Variants in NPAS3 observed in about 807,000 individuals in gnomAD.
NPAS3 encodes neuronal PAS domain protein 3.
NPAS3 carries 14 observed loss-of-function variants against 73.1 expected under a neutral mutation model. The ratio of observed to expected loss-of-function variants is 0.19; its 90% CI spans 0.13 to 0.30. NPAS3 has a LOEUF of 0.30. Ranked by LOEUF, NPAS3 falls within the 10% of genes least tolerant of loss-of-function variation. The probability of loss-of-function intolerance (pLI) is 1.00; values close to 1 mark genes in which losing one functional copy is unlikely to be tolerated. For missense variants in NPAS3, 1,096 were observed against 1,250.0 expected (o/e 0.88, Z 1.86); for synonymous variants, 620 against 541.5 (o/e 1.14, Z -2.01).
At chr14:32,997,137 T>C (rs777771766) in intron 1 of NPAS3, among the ~76,000 whole-genome samples, 9 of 152,242 alleles carry the variant, frequency 5.9e-5, no homozygotes, top group Non-Finnish European at 1.3e-4. Context: ...CTGCTGGATT[T>C]CAGACGTGCA....
intron 4 of NPAS3, among the ~76,000 whole-genome samples, chr14:33,527,266 A>G (rs886769698): frequency 6.6e-6 from 1 of 152,130 alleles, no homozygotes; most frequent in African/African-American, 2.4e-5. Context: ...ATGGAAATGA[A>G]TCTTCCTAGC....
At chr14:33,783,507 C>T (rs920953007) in intron 9 of NPAS3, among the ~76,000 whole-genome samples, 1 of 144,916 alleles carries the variant, frequency 6.9e-6, no homozygotes, top group East Asian at 2.0e-4. Context: ...GGCCATTAAC[C>T]GAAAAAACCG....
intron 7 of NPAS3, among the ~76,000 whole-genome samples, chr14:33,767,060 C>T (rs142799181): frequency 3.9e-5 from 6 of 152,302 alleles, no homozygotes; most frequent in East Asian, 1.9e-4. Flanking sequence ...AGTTATGAGC[C>T]GCCTTCTCCA....
At chr14:33,456,854 G>A (rs549582318) in intron 4 of NPAS3, among the ~76,000 whole-genome samples, 1 of 152,240 alleles carries the variant, frequency 6.6e-6, no homozygotes, top group South Asian at 2.1e-4. Context: ...AGTGTGGGCT[G>A]CAGAAATCAG....
At chr14:33,486,931 C>A (rs148937135) in intron 4 of NPAS3, among the ~76,000 whole-genome samples, 43 of 152,110 alleles carry the variant, frequency 2.8e-4, no homozygotes, top group Non-Finnish European at 1.2e-4. Flanking sequence ...CTATTGGGAG[C>A]CTTCATGCTT....
At chr14:33,563,675 A>G (rs1484584641) in intron 5 of NPAS3, among the ~76,000 whole-genome samples, 2 of 152,128 alleles carry the variant, frequency 1.3e-5, no homozygotes, top group Non-Finnish European at 2.9e-5. Context: ...GTTACTCACC[A>G]AGAGGCCTTA....
chr14:33,113,860 G>A (rs2042976358), intron 2 of NPAS3, among the ~76,000 whole-genome samples: 3 of 152,186 alleles, frequency 2.0e-5, no homozygotes, highest in South Asian at 2.1e-4. Flanking sequence ...CTAATTTATT[G>A]AGAGTTTTTA....
chr14:33,079,295 G>T (rs2041777759), intron 2 of NPAS3, among the ~76,000 whole-genome samples: 1 of 150,128 alleles, frequency 6.7e-6, no homozygotes. Flanking sequence ...ATATTTTCAA[G>T]GTTCACTTGA....
At chr14:33,266,109 G>T (rs1346631460) in intron 3 of NPAS3, among the ~76,000 whole-genome samples, 1 of 152,208 alleles carries the variant, frequency 6.6e-6, no homozygotes, top group South Asian at 2.1e-4. Context: ...AAAGTGTGAT[G>T]TCCTTTGGGG....
chr14:33,422,001 C>A (rs1415143257), intron 4 of NPAS3, among the ~76,000 whole-genome samples: 2 of 151,814 alleles, frequency 1.3e-5, no homozygotes, highest in African/African-American at 4.8e-5. Flanking sequence ...GCTTTTCATT[C>A]TTGGCACTAA....
intron 5 of NPAS3, among the ~76,000 whole-genome samples, chr14:33,635,373 T>C (rs1388323377): frequency 1.3e-5 from 2 of 152,162 alleles, no homozygotes; most frequent in Non-Finnish European, 2.9e-5. Context: ...GAGGCTTAGA[T>C]TGCTTTTTCC....
At chr14:33,479,717 C>A (rs530273569) in intron 4 of NPAS3, among the ~76,000 whole-genome samples, 17 of 152,230 alleles carry the variant, frequency 1.1e-4, no homozygotes, top group Middle Eastern at 3.4e-3. Context: ...ATTTCTTGAT[C>A]TCCAATTTTG....
intron 5 of NPAS3, among the ~76,000 whole-genome samples, chr14:33,563,143 A>G (rs2055735577): frequency 6.6e-6 from 1 of 152,248 alleles, no homozygotes; most frequent in Non-Finnish European, 1.5e-5. Context: ...GTTACAGAGC[A>G]TAGCTATGTC....
intron 4 of NPAS3, among the ~76,000 whole-genome samples, chr14:33,521,884 C>G (rs748658629): frequency 1.3e-5 from 2 of 152,072 alleles, no homozygotes; most frequent in Admixed American, 1.3e-4. Flanking sequence ...CTTGACTTGC[C>G]GCCGGAGCTT....
chr14:33,187,612 G>C (rs1234382294), intron 2 of NPAS3, among the ~76,000 whole-genome samples: 1 of 152,162 alleles, frequency 6.6e-6, no homozygotes, highest in Admixed American at 6.5e-5. Context: ...CAGGTTGATT[G>C]TTGAAGCCCG....
chr14:32,951,763 A>T (rs2036492887), intron 1 of NPAS3, among the ~76,000 whole-genome samples: 2 of 152,120 alleles, frequency 1.3e-5, no homozygotes, highest in Admixed American at 1.3e-4. Context: ...TAAAACATTT[A>T]TAGAGGAATA....
intron 1 of NPAS3, among the ~76,000 whole-genome samples, chr14:32,994,640 T>TTTTC (rs979953605): frequency 3.4e-5 from 5 of 148,844 alleles, no homozygotes; most frequent in African/African-American, 1.2e-4. Flanking sequence ...GTTTTTGTTT[T>TTTTC]TTTTTTTTTG....
intron 5 of NPAS3, among the ~76,000 whole-genome samples, chr14:33,647,923 T>C (rs1473965698): frequency 3.3e-5 from 5 of 152,172 alleles, no homozygotes; most frequent in Non-Finnish European, 7.3e-5. Context: ...TCTTACTAAC[T>C]CTTGAAATTA....
At chr14:33,585,737 T>C (rs1958544) in intron 5 of NPAS3, among the ~76,000 whole-genome samples, 52,657 of 151,994 alleles carry the variant, frequency 0.35, 9,617 homozygotes, top group South Asian at 0.51. Flanking sequence ...TAATTTCTTT[T>C]AGTTTTCCGC....
Sources: gnomAD v4.1 joint callset for allele counts (sites outside exome capture counted in the v4.1 genomes callset) on GRCh38, gnomAD v4.1.1 for gene constraint, MANE v1.5 for transcripts, NCBI Gene and HGNC (gene_info 2026-07-23, HGNC 2026-07-21) for gene names.